The following TTC28 variants were observed in gnomAD, a reference collection of about 807,000 sequenced individuals.
TTC28 encodes the protein tetratricopeptide repeat domain 28, also known as tetratricopeptide repeat protein 28.
TTC28 carries 61 observed loss-of-function variants against 198.0 expected under a neutral mutation model. The ratio of observed to expected loss-of-function variants is 0.31; its 90% CI spans 0.25 to 0.38. The LOEUF (loss-of-function observed/expected upper bound fraction) is 0.38, where lower values mean the gene tolerates loss of function less well. Ranked by LOEUF, TTC28 falls within the 10% of genes least tolerant of loss-of-function variation. The pLI is 1.00. For synonymous variants in TTC28, 1,171 were observed against 1,297.8 expected (o/e 0.90, Z 2.10); for missense variants, 2,678 against 3,164.0 (o/e 0.85, Z 3.69).
intron 3 of TTC28, among the ~76,000 whole-genome samples, chr22:28,299,030 T>C (rs534645849): frequency 1.7e-4 from 26 of 152,256 alleles, no homozygotes; most frequent in African/African-American, 2.2e-4. Context: ...TAAAAGAACA[T>C]AGGGGTCAGT....
intron 5 of TTC28, among the ~76,000 whole-genome samples, chr22:28,168,328 G>C (rs1004180761): frequency 6.6e-6 from 1 of 152,074 alleles, no homozygotes; most frequent in Non-Finnish European, 1.5e-5. Flanking sequence ...CTACTTTAAA[G>C]TTCATATGGA....
At chr22:27,990,041 T>C in intron 20 of TTC28, 34 bp from the exon 21 acceptor site, 1 of 1,537,952 alleles carries the variant, frequency 6.5e-7, no homozygotes, top group Non-Finnish European at 8.8e-7. Flanking sequence ...GCACCCTGTG[T>C]CTCCTTCCCC....
chr22:28,112,286 C>T (rs1942504747), intron 6 of TTC28, among the ~76,000 whole-genome samples: 1 of 152,150 alleles, frequency 6.6e-6, no homozygotes, highest in South Asian at 2.1e-4. Flanking sequence ...TTCTCTGACT[C>T]TCATGACCTT....
At chr22:28,371,838 C>T (rs1445395883) in intron 2 of TTC28, among the ~76,000 whole-genome samples, 1 of 149,258 alleles carries the variant, frequency 6.7e-6, no homozygotes, top group Non-Finnish European at 1.5e-5. Flanking sequence ...CCACAGCCTC[C>T]CAAAGTGCTG....
rs1265386242 is a variant in TTC28 at position 28,105,302 on chromosome 22, T to C, written c.3284A>G (p.Gln1095Arg). Residue 1095 changes from glutamine (Q) to arginine (R), a missense_variant, in exon 8 of 23, where the codon CAA becomes CGA. Around this residue, in one of 8 missense-constraint regions of TTC28, gnomAD observed 727 missense variants for 861.9 expected, o/e 0.84. Transcript: ENST00000397906. ...RTHHALQNYS[Q>R]AVMYLQEGLR... Reference sequence around the variant, plus strand: ...ACCTTCCTGTAAGTACATGACTGCTTGGGAATAGTTCTGCAAGGCATGATG... The same window carrying C: ...ACCTTCCTGTAAGTACATGACTGCTCGGGAATAGTTCTGCAAGGCATGATG... 1.9e-6 allele frequency: 3 copies of C among 1,551,684 alleles called. No individual in the cohort carries two copies. In the Admixed American group the frequency reaches 5.9e-5, roughly 30 times the overall value.
intron 2 of TTC28, among the ~76,000 whole-genome samples, chr22:28,415,146 T>G (rs779053648): frequency 6.6e-6 from 1 of 152,050 alleles, no homozygotes; most frequent in Non-Finnish European, 1.5e-5. Context: ...GCAAAACATG[T>G]CAAATGAGAG....
chr22:28,359,935 A>G (rs2046133517), intron 2 of TTC28, among the ~76,000 whole-genome samples: 1 of 152,098 alleles, frequency 6.6e-6, no homozygotes. Context: ...ACACTTTGAG[A>G]TAATCTACTT....
At position 28,297,718 on chromosome 22, in the gene TTC28, C is replaced by A. The variant is rs1569245658; in HGVS notation, c.664G>T (p.Ala222Ser). 1.3e-6 allele frequency: 2 copies of A among 1,551,640 alleles called. No homozygotes were observed. Among genetic ancestry groups the A allele is most frequent in the Non-Finnish European group, 1.7e-6 (2 of 1,146,984 alleles). The change falls in exon 4 of 23, where the codon GCA becomes TCA. Residue 222 changes from alanine (A) to serine (S), a missense_variant. By Grantham distance (99) the Ala-to-Ser change is moderately conservative (BLOSUM62 1). Around this residue, in one of 8 missense-constraint regions of TTC28, gnomAD observed 36 missense variants for 78.7 expected, o/e 0.46. Coordinates refer to ENST00000397906, the MANE Select transcript of TTC28 (RefSeq NM_001145418.2). ...HGASVVVLEA[A>S]LKIGTCSLKL... ...AGGCTGCAGGTGCCAATCTTCAGTG[C>A]GGCTTCTAAGACAACCACAGAGGCC...
At chr22:28,157,730 C>A (rs566438618) in intron 6 of TTC28, among the ~76,000 whole-genome samples, 1 of 152,066 alleles carries the variant, frequency 6.6e-6, no homozygotes. Context: ...TTCATAAAAA[C>A]GCTCAAAAAA....
rs1937604653 is a variant in TTC28, at chr22:27,999,062, C to T, written c.4597G>A (p.Val1533Ile). ...LVGSVATKER[V>I]MSALTQAECV... is the part of the protein sequence containing the mutation. ...TCAGCCTGGGTCAGGGCACTCATGA[C>T]CCTCTCCTTGGTGGCCACACTGCCC... is the stretch of plus-strand genomic sequence containing the variant. Residue 1533 changes from valine (V) to isoleucine (I), a missense_variant, in exon 16 of 23, where the codon GTC (valine) becomes ATC (isoleucine). This residue lies in a region of TTC28 where 727 missense variants were observed against 861.9 expected (regional missense o/e 0.84). Transcript: ENST00000397906. 3 of 1,550,362 alleles carry T rather than the reference C, an allele frequency of 1.9e-6. No individual in the cohort carries two copies. The highest frequency in any genetic ancestry group is 3.9e-5 in the Admixed American group (2 of 50,990).
intron 5 of TTC28, among the ~76,000 whole-genome samples, chr22:28,284,388 G>A (rs1424635529): frequency 1.3e-5 from 2 of 152,150 alleles, no homozygotes; most frequent in African/African-American, 2.4e-5. Context: ...CAAACTAACA[G>A]ATTGATATCA....
At chr22:28,083,071 ATTTT>A (rs201798492) in intron 12 of TTC28, among the ~76,000 whole-genome samples, 1 of 141,124 alleles carries the variant, frequency 7.1e-6, no homozygotes. Flanking sequence ...ATGATGATTC[ATTTT>A]TTTTTTTTTT....
rs539212516 is a variant in TTC28 at position 28,518,287 on chromosome 22, T to G, written c.381+111265A>C. On this transcript the variant is annotated intron_variant, in intron 2 of 22. Coordinates refer to ENST00000397906, the MANE Select transcript of TTC28 (RefSeq NM_001145418.2). ...TGTTTATATTAACAAATACCTATTC[T>G]CAAATCACAGATGATAGACTTAAAT... is the stretch of plus-strand genomic sequence containing the variant. 7.9e-4 allele frequency among the ~76,000 whole-genome samples: 121 copies of G among 152,280 alleles called. 2 individuals are homozygous for G. The South Asian group carries it at 0.021, about 27-fold the overall frequency.
At chr22:28,377,836 A>AT (rs1325556802) in intron 2 of TTC28, among the ~76,000 whole-genome samples, 3 of 152,244 alleles carry the variant, frequency 2.0e-5, no homozygotes, top group African/African-American at 7.2e-5. Flanking sequence ...TAAGGAAAAT[A>AT]AAGCCCATAA....
intron 19 of TTC28, 103 bp from the exon 20 acceptor site, chr22:27,990,915 A>G: frequency 1.6e-6 from 2 of 1,221,920 alleles, no homozygotes; most frequent in Non-Finnish European, 2.3e-6. Context: ...CTGTTTAGGA[A>G]GCGCCACACC....
intron 1 of TTC28, among the ~76,000 whole-genome samples, chr22:28,636,091 A>T (rs1306036111): frequency 7.0e-6 from 1 of 142,930 alleles, no homozygotes; most frequent in Non-Finnish European, 1.5e-5. Context: ...TTAGCATGAC[A>T]TCTCTAGGTT....
intron 2 of TTC28, among the ~76,000 whole-genome samples, chr22:28,364,930 T>C (rs1261583376): frequency 2.0e-5 from 3 of 152,256 alleles, no homozygotes; most frequent in Non-Finnish European, 2.9e-5. Flanking sequence ...TAGTTGATAA[T>C]GAAGCAGCAG....
At chr22:28,489,278 T>C (rs950119317) in intron 2 of TTC28, among the ~76,000 whole-genome samples, 2 of 137,618 alleles carry the variant, frequency 1.5e-5, no homozygotes, top group African/African-American at 5.6e-5. Flanking sequence ...AGCAAGATCC[T>C]ATCTCTAAAA....
chr22:28,424,123 T>C (rs915768102), intron 2 of TTC28, among the ~76,000 whole-genome samples: 4 of 152,210 alleles, frequency 2.6e-5, no homozygotes, highest in Non-Finnish European at 5.9e-5. Flanking sequence ...TCCAGTATAA[T>C]TGGCAAATAG....
Sources: allele counts gnomAD v4.1 joint callset (sites outside exome capture counted in the v4.1 genomes callset), GRCh38; gene constraint gnomAD v4.1.1; regional missense constraint gnomAD v4.1.1; transcripts MANE v1.5; gene names NCBI Gene and HGNC (gene_info 2026-07-23, HGNC 2026-07-21).